RC3H2: variants seen among roughly 807,000 people sequenced by gnomAD.
The protein encoded by RC3H2 is roquin-2.
Under a neutral mutation model 133.3 loss-of-function variants are expected in RC3H2, and 31 were observed. The observed-to-expected ratio is 0.23, with a 90% CI of 0.17 to 0.31. RC3H2 has a LOEUF of 0.31. RC3H2 is among the 10% of genes least tolerant of loss of function. RC3H2 has a pLI of 1.00. For missense variants in RC3H2, 1,175 were observed against 1,437.2 expected, an observed-to-expected ratio of 0.82 and a Z score of 2.95; for synonymous variants, 517 against 502.2, an observed-to-expected ratio of 1.03 and a Z score of -0.40.
chr9:122,873,088 G>C (rs1831167968), intron 9 of RC3H2, among the ~76,000 whole-genome samples: 1 of 152,154 alleles, frequency 6.6e-6, no homozygotes, highest in Admixed American at 6.5e-5. Context: ...TGTTTGGTTA[G>C]AGGGGTGTAT....
chr9:122,866,843 G>A lies in RC3H2; in HGVS notation c.1326-1186C>T, dbSNP rs528379187. Among the ~76,000 whole-genome samples, 474 of 152,246 alleles carry A rather than the reference G, an allele frequency of 3.1e-3. 8 individuals are homozygous for A. Among genetic ancestry groups the A allele is most frequent in the Non-Finnish European group, 2.1e-3 (142 of 68,014 alleles). On this transcript the variant is annotated intron_variant, in intron 9 of 20. Transcript: ENST00000357244. The stretch of plus-strand genomic sequence containing the variant: ...GGCCGCCACCCCGTCTGGGAAGTGA[G>A]GAGCGTCTCTGCCTGGCCGCCTATC...
At chr9:122,878,164 T>A (rs967952363) in intron 8 of RC3H2, among the ~76,000 whole-genome samples, 1 of 152,154 alleles carries the variant, frequency 6.6e-6, no homozygotes. Flanking sequence ...ATGAAAACAT[T>A]TGTTTTTAAT....
chr9:122,892,628 G>C (rs572146089), intron 3 of RC3H2, among the ~76,000 whole-genome samples: 2 of 152,294 alleles, frequency 1.3e-5, no homozygotes, highest in South Asian at 4.1e-4. Flanking sequence ...AGCCAGGATA[G>C]TCTCGATCTT....
chr9:122,870,270 G>A (rs1379406535), intron 9 of RC3H2, among the ~76,000 whole-genome samples: 1 of 151,954 alleles, frequency 6.6e-6, no homozygotes, highest in Admixed American at 6.6e-5. Context: ...AGCTACTTGG[G>A]AGGCTGAAGC....
At chr9:122,881,457 CAAAAAAAAA>C (rs11321863) in intron 5 of RC3H2, among the ~76,000 whole-genome samples, 1 of 85,334 alleles carries the variant, frequency 1.2e-5, no homozygotes, top group African/African-American at 4.1e-5. Context: ...GACTCCGTCT[CAAAAAAAAA>C]AAAAAAAAAA....
chr9:122,904,257 T>C (rs1832759712), intron 1 of RC3H2, among the ~76,000 whole-genome samples: 1 of 152,146 alleles, frequency 6.6e-6, no homozygotes, highest in African/African-American at 2.4e-5. Flanking sequence ...AAAATATAAA[T>C]AAATCACTGG....
At position 122,858,930 on chromosome 9, in the gene RC3H2, A is replaced by C. The variant is rs1830352418; in HGVS notation, c.2022T>G (p.Pro674=). The change falls in exon 12 of 21, where the codon CCT becomes CCG. Residue 674 remains proline, a synonymous_variant. Transcript: ENST00000357244. ...RDRMNSSPYQ[P]PPPQPYGPVP... ...CTGGTCCATACGGCTGCGGAGGAGG[A>C]GGCTGGTAAGGAGAAGAATTCATTC... The C allele has an allele frequency of 1.9e-6, 3 of 1,614,182 alleles. No homozygotes were observed. Among genetic ancestry groups the C allele is most frequent in the Non-Finnish European group, 2.5e-6 (3 of 1,180,020 alleles).
intron 9 of RC3H2, among the ~76,000 whole-genome samples, chr9:122,867,391 C>G: frequency 7.0e-6 from 1 of 143,518 alleles, no homozygotes. Context: ...GCCAGCCGCT[C>G]CGTCCGGGAG....
intron 10 of RC3H2, among the ~76,000 whole-genome samples, chr9:122,863,741 C>G (rs1427496466): frequency 6.6e-6 from 1 of 152,010 alleles, no homozygotes; most frequent in Non-Finnish European, 1.5e-5. Context: ...TTGTAAAAGT[C>G]CTTTTTTTTT....
intron 9 of RC3H2, among the ~76,000 whole-genome samples, chr9:122,870,143 G>A (rs906362289): frequency 5.3e-5 from 8 of 152,004 alleles, no homozygotes; most frequent in African/African-American, 1.2e-4. Context: ...GGGAGGCTGA[G>A]GCGAGTGGAT....
At chr9:122,901,290 G>A (rs937572411) in intron 1 of RC3H2, among the ~76,000 whole-genome samples, 2 of 152,194 alleles carry the variant, frequency 1.3e-5, no homozygotes, top group East Asian at 1.9e-4. Flanking sequence ...GTACTTCCCC[G>A]TTTAGAAAAC....
intron 4 of RC3H2, among the ~76,000 whole-genome samples, chr9:122,884,818 A>G (rs1831830902): frequency 6.6e-6 from 1 of 151,052 alleles, no homozygotes; most frequent in Non-Finnish European, 1.5e-5. Flanking sequence ...ACGCCACTGC[A>G]CTCCAGCCTG....
chr9:122,884,941 G>T (rs986773138), intron 4 of RC3H2, among the ~76,000 whole-genome samples: 1 of 151,862 alleles, frequency 6.6e-6, no homozygotes, highest in Non-Finnish European at 1.5e-5. Context: ...AAAAGCTGAG[G>T]AACAGTTCCA....
At position 122,849,594 on chromosome 9, in the gene RC3H2, G is replaced by C. The variant is rs749661637; in HGVS notation, c.*33C>G. On this transcript the variant is annotated 3_prime_UTR_variant, in exon 21 of 21. Coordinates refer to ENST00000357244, the MANE Select transcript of RC3H2 (RefSeq NM_001100588.3). ...AAAAGCTAGTGTAAATGCTTCCATG[G>C]TGTGGTCACAAATTTGAAAGATGAA... The C allele has an allele frequency of 1.4e-6, 2 of 1,407,796 alleles. No homozygotes were observed. 87.2% of individuals were successfully genotyped at this position (1,407,796 alleles called of 1,614,324 possible). A position where few individuals can be genotyped will look rare whatever the true frequency, so the allele number is the denominator to read the frequency against.
chr9:122,858,561 C>T, intron 12 of RC3H2, 108 bp downstream of exon 12: 1 of 884,198 alleles, frequency 1.1e-6, no homozygotes, highest in Non-Finnish European at 1.7e-6. Flanking sequence ...CAAGTAACTT[C>T]CTTAAGTCAC....
intron 9 of RC3H2, among the ~76,000 whole-genome samples, chr9:122,870,275 T>C (rs1233794691): frequency 6.6e-6 from 1 of 151,864 alleles, no homozygotes; most frequent in South Asian, 2.1e-4. Context: ...CTTGGGAGGC[T>C]GAAGCAGGAG....
In RC3H2 at chr9:122,905,306, A is replaced by C. The variant is rs529131289; in HGVS notation, c.-264T>G. On this transcript the variant is annotated 5_prime_UTR_variant, in exon 1 of 21. Coordinates refer to ENST00000357244, the MANE Select transcript of RC3H2 (RefSeq NM_001100588.3). ...GACGGGGCCTCCTCCTCCTCCCTCCACCTCCGCCTCCTCCTCCTCCTCCTC... is the reference window on the plus strand; with the variant it reads ...GACGGGGCCTCCTCCTCCTCCCTCCCCCTCCGCCTCCTCCTCCTCCTCCTC... 2.0e-6 allele frequency: 2 copies of C among 984,044 alleles called. No individual in the cohort carries two copies. Among genetic ancestry groups the C allele is most frequent in the Admixed American group, 1.2e-4 (2 of 16,222 alleles). 61.0% of individuals were successfully genotyped at this position (984,044 alleles called of 1,614,324 possible).
chr9:122,857,628 G>A (rs1270992290), intron 13 of RC3H2, among the ~76,000 whole-genome samples: 1 of 152,182 alleles, frequency 6.6e-6, no homozygotes, highest in East Asian at 1.9e-4. Context: ...GTGCTGGCAT[G>A]AGTAGGTGCT....
At chr9:122,868,727 A>T (rs1208321180) in intron 9 of RC3H2, among the ~76,000 whole-genome samples, 1 of 151,956 alleles carries the variant, frequency 6.6e-6, no homozygotes, top group Non-Finnish European at 1.5e-5. Context: ...GAAACACCCA[A>T]GAATGATCAA....
Sources: allele counts gnomAD v4.1 joint callset (sites outside exome capture counted in the v4.1 genomes callset), GRCh38; gene constraint gnomAD v4.1.1; transcripts MANE v1.5; gene names NCBI Gene and HGNC (gene_info 2026-07-23, HGNC 2026-07-21).